The following MARCHF10 variants were observed in gnomAD, a reference collection of about 807,000 sequenced individuals.
MARCHF10 encodes membrane associated ring-CH-type finger 10, also known as probable E3 ubiquitin-protein ligase MARCHF10.
A neutral mutation model predicts 76.2 loss-of-function variants in MARCHF10; 64 were observed. The observed-to-expected ratio is 0.84, with a 90% CI of 0.69 to 1.03. The LOEUF (loss-of-function observed/expected upper bound fraction) is 1.03. Ranked by LOEUF, MARCHF10 falls within the 50% of genes least tolerant of loss-of-function variation. The probability of loss-of-function intolerance (pLI) is 0.00; values close to 1 mark genes in which losing one functional copy is unlikely to be tolerated. For missense variants in MARCHF10, 875 were observed against 958.0 expected (o/e 0.91, Z 1.14); for synonymous variants, 340 against 357.5 (o/e 0.95, Z 0.55).
intron 10 of MARCHF10, 49 bp downstream of exon 10, chr17:62,705,490 T>G: frequency 6.2e-7 from 1 of 1,613,978 alleles, no homozygotes; most frequent in Non-Finnish European, 8.5e-7. Flanking sequence ...AGAAAAAGAG[T>G]AATTTAGCAA....
rs1327967351 is a variant in MARCHF10 at position 62,738,052 on chromosome 17, T to A, written c.536-720A>T. ...AGCATGCTAACTGTCTCTCTCTGTC[T>A]CTCTCTGTCACACACACACACACAC... is the stretch of plus-strand genomic sequence containing the variant. On this transcript the variant is annotated intron_variant, in intron 5 of 10. Coordinates refer to ENST00000311269, the MANE Select transcript of MARCHF10 (RefSeq NM_152598.4). The surrounding 1 kb of genome is among the most constrained non-coding windows in gnomAD (Gnocchi z 4.0). The A allele has an allele frequency of 2.0e-4, 17 of 85,842 alleles. No homozygotes were observed. In the East Asian group the frequency reaches 3.7e-3, roughly 18 times the overall value. The allele number at this position is 85,842 out of a possible 1,614,324, so 5.3% of individuals were successfully genotyped here.
rs148807692 is a variant in MARCHF10 at position 62,747,953 on chromosome 17, C to G, written c.383-3425G>C. Among the ~76,000 whole-genome samples, 620 of 152,332 alleles carry G rather than the reference C, an allele frequency of 4.1e-3. 1 individual carries two copies. The highest frequency in any genetic ancestry group is 0.027 in the Middle Eastern group (8 of 294). ...TCATGACCTTAAAGATTATTATAAT[C>G]TAATTTGGCTGCACTGCTGACTTCT... On this transcript the variant is annotated intron_variant, in intron 4 of 10. Transcript: ENST00000311269.
At chr17:62,801,405 G>A (rs971356242) in intron 2 of MARCHF10, among the ~76,000 whole-genome samples, 11 of 150,956 alleles carry the variant, frequency 7.3e-5, no homozygotes, top group Non-Finnish European at 1.3e-4. Context: ...CGCCCGCCTC[G>A]GCCTCCCAAA....
chr17:62,747,931 T>C (rs1242029197), intron 4 of MARCHF10, among the ~76,000 whole-genome samples: 1 of 152,238 alleles, frequency 6.6e-6, no homozygotes, highest in East Asian at 1.9e-4. Flanking sequence ...TGTTGCCTCA[T>C]GACCTTAAAG....
At chr17:62,778,679 T>C (rs1171323778) in intron 3 of MARCHF10, among the ~76,000 whole-genome samples, 2 of 96,732 alleles carry the variant, frequency 2.1e-5, no homozygotes, top group East Asian at 4.9e-4. Context: ...CACGACTCTG[T>C]CTCAAAAAAA....
At chr17:62,779,957 C>T (rs1598007148) in intron 3 of MARCHF10, among the ~76,000 whole-genome samples, 1 of 152,136 alleles carries the variant, frequency 6.6e-6, no homozygotes, top group Non-Finnish European at 1.5e-5. Flanking sequence ...ACTAGCTGGG[C>T]GTGGTGGCGG....
rs904589856 is a variant in MARCHF10, at chr17:62,701,485, G to A, written c.*218C>T. 2.9e-5 allele frequency: 32 copies of A among 1,091,578 alleles called. No homozygotes were observed. Among genetic ancestry groups the A allele is most frequent in the Middle Eastern group, 3.1e-4 (1 of 3,178 alleles). The allele number at this position is 1,091,578 out of a possible 1,614,324, so 67.6% of individuals were successfully genotyped here. The stretch of plus-strand genomic sequence containing the variant: ...CCTGCCAGGGGCTCCACAGTCCCAC[G>A]CTGCTTGACCTGTGCTGTCTGGGAC... On this transcript the variant is annotated 3_prime_UTR_variant, in exon 11 of 11. Transcript: ENST00000311269.
At position 62,754,298 on chromosome 17, in the gene MARCHF10, C is replaced by G. The variant is rs182650491; in HGVS notation, c.382+5537G>C. 3.9e-5 allele frequency among the ~76,000 whole-genome samples: 6 copies of G among 152,294 alleles called. No individual in the cohort carries two copies. The East Asian group carries it at 1.2e-3, about 29-fold the overall frequency. Reference sequence around the variant, plus strand: ...ATGTTGGCCAGGCTGGTTTCTAACTCCCAACCTCAGGTGATCCGCTTGCCT... The same window carrying G: ...ATGTTGGCCAGGCTGGTTTCTAACTGCCAACCTCAGGTGATCCGCTTGCCT... On this transcript the variant is annotated intron_variant, in intron 4 of 10. Transcript: ENST00000311269.
chr17:62,774,500 T>A (rs555287904), intron 3 of MARCHF10, among the ~76,000 whole-genome samples: 17 of 152,024 alleles, frequency 1.1e-4, no homozygotes, highest in Non-Finnish European at 2.2e-4. Flanking sequence ...TGGGCAGTGG[T>A]CTGGAGCAGC....
rs2089996979 is a variant in MARCHF10 at position 62,712,786 on chromosome 17, C to T, written c.2215-1442G>A. On this transcript the variant is annotated intron_variant, in intron 8 of 10. Transcript: ENST00000311269. The surrounding 1 kb of genome is among the most constrained non-coding windows in gnomAD (Gnocchi z 4.2). ...ATTTTTGAGACAGACACAGTCTTGC[C>T]CAGGCTGGAGTGCAATGGCGTGATC... Among the ~76,000 whole-genome samples, 1 of 152,136 alleles carries T rather than the reference C, an allele frequency of 6.6e-6. No homozygotes were observed. The highest frequency in any genetic ancestry group is 2.1e-4 in the South Asian group (1 of 4,824).
rs562984205 is a variant in MARCHF10, at chr17:62,802,510, G to A, written c.-17-758C>T. On this transcript the variant is annotated intron_variant, in intron 1 of 10. Transcript: ENST00000311269. ...GCTGGGATTATAGGTGTGAGCCACCGCACCTGGCCTGTGTTGCTTATAATC... is the reference window on the plus strand; with the variant it reads ...GCTGGGATTATAGGTGTGAGCCACCACACCTGGCCTGTGTTGCTTATAATC... 5.3e-5 allele frequency among the ~76,000 whole-genome samples: 8 copies of A among 152,224 alleles called. No homozygotes were observed. The South Asian group carries it at 8.3e-4, about 16-fold the overall frequency.
At chr17:62,783,345 C>T (rs113484632) in intron 3 of MARCHF10, among the ~76,000 whole-genome samples, 8,046 of 151,796 alleles carry the variant, frequency 0.053, 685 homozygotes, top group African/African-American at 0.18. Flanking sequence ...AAAGACACAC[C>T]GTACCAGAAT....
intron 3 of MARCHF10, among the ~76,000 whole-genome samples, chr17:62,772,174 G>A (rs1284165382): frequency 6.6e-6 from 1 of 152,126 alleles, no homozygotes; most frequent in African/African-American, 2.4e-5. Context: ...GTCATGGGAG[G>A]GACCCGGTGG....
In MARCHF10 at chr17:62,710,550, C is replaced by CTTTTTT. The variant is rs552647502; in HGVS notation, c.2328+675_2328+680dup. Among the ~76,000 whole-genome samples, 23 of 88,620 alleles carry CTTTTTT rather than the reference C, an allele frequency of 2.6e-4. 3 individuals are homozygous for CTTTTTT. Among genetic ancestry groups the CTTTTTT allele is most frequent in the Middle Eastern group, 0.018 (2 of 114 alleles). 58.1% of individuals were successfully genotyped at this position (88,620 alleles called of 152,430 possible). ...CTTATGACTAACAGTTTGAACCCAG[C>CTTTTTT]TTTTTTTTTTTTTTTTTTTTTTTTT... On this transcript the variant is annotated intron_variant, in intron 9 of 10. Transcript: ENST00000311269.
chr17:62,797,434 G>C (rs2093004360), intron 2 of MARCHF10, among the ~76,000 whole-genome samples: 4 of 152,178 alleles, frequency 2.6e-5, no homozygotes, highest in African/African-American at 9.7e-5. Flanking sequence ...TTGAACTCCT[G>C]ACCTTGTGAT....
At position 62,738,945 on chromosome 17, in the gene MARCHF10, C is replaced by A. The variant is rs2091399966; in HGVS notation, c.536-1613G>T. Among the ~76,000 whole-genome samples the A allele has an allele frequency of 6.6e-6, 1 of 152,144 alleles. No individual in the cohort carries two copies. The highest frequency in any genetic ancestry group is 2.4e-5 in the African/African-American group (1 of 41,426). On this transcript the variant is annotated intron_variant, in intron 5 of 10. Coordinates refer to ENST00000311269, the MANE Select transcript of MARCHF10 (RefSeq NM_152598.4). The surrounding 1 kb of genome is among the most constrained non-coding windows in gnomAD (Gnocchi z 4.0). ...CGAGGCCACTCCAGACTGGGCCGACCCCCATTTTGGGAACAAATGCTTCTA... is the reference window on the plus strand; with the variant it reads ...CGAGGCCACTCCAGACTGGGCCGACACCCATTTTGGGAACAAATGCTTCTA...
intron 8 of MARCHF10, 114 bp downstream of exon 8, chr17:62,722,374 A>C (rs1410136544): frequency 2.9e-6 from 2 of 688,070 alleles, no homozygotes; most frequent in Non-Finnish European, 4.9e-6. Flanking sequence ...ATATTGTCAG[A>C]CTCCTGCCAG....
chr17:62,785,889 G>A (rs1174959736), intron 3 of MARCHF10, among the ~76,000 whole-genome samples: 1 of 152,338 alleles, frequency 6.6e-6, no homozygotes, highest in African/African-American at 2.4e-5. Context: ...AGATGCTAGA[G>A]AGGAAGTGGA....
chr17:62,718,926 G>C (rs1288234842), intron 8 of MARCHF10, among the ~76,000 whole-genome samples: 1 of 151,422 alleles, frequency 6.6e-6, no homozygotes, highest in Non-Finnish European at 1.5e-5. Flanking sequence ...TAATGCTGCT[G>C]TGGCATTATG....
Sources: gnomAD v4.1 joint callset for allele counts (sites outside exome capture counted in the v4.1 genomes callset) on GRCh38, gnomAD v4.1.1 for gene constraint, Gnocchi (gnomAD v3.1) non-coding constraint, MANE v1.5 for transcripts, NCBI Gene and HGNC (gene_info 2026-07-23, HGNC 2026-07-21) for gene names.